Variants in PCED1B observed in about 807,000 individuals in gnomAD.
PCED1B encodes the protein PC-esterase domain containing 1B.
For missense variants in PCED1B, 573 were observed against 573.9 expected, an observed-to-expected ratio of 1.00 and a Z score of 0.02; for synonymous variants, 251 against 246.1, an observed-to-expected ratio of 1.02 and a Z score of -0.19.
At chr12:47,234,001 G>C (rs1943892845) in intron 3 of PCED1B, among the ~76,000 whole-genome samples, 1 of 151,392 alleles carries the variant, frequency 6.6e-6, no homozygotes, top group East Asian at 1.9e-4. Context: ...GTTTTTGTTT[G>C]TTTTCTGAGA....
At chr12:47,150,761 G>A (rs1031561791) in intron 2 of PCED1B, among the ~76,000 whole-genome samples, 8 of 151,938 alleles carry the variant, frequency 5.3e-5, no homozygotes, top group Non-Finnish European at 1.2e-4. Flanking sequence ...GGAGCAGCAA[G>A]GAGGCCAGTG....
chr12:47,203,214 C>T (rs1942818909), intron 2 of PCED1B, among the ~76,000 whole-genome samples: 1 of 152,164 alleles, frequency 6.6e-6, no homozygotes, highest in African/African-American at 2.4e-5. Context: ...AGATGATCCA[C>T]CTGCCTCGGC....
At chr12:47,219,451 A>G (rs1050598861) in intron 3 of PCED1B, among the ~76,000 whole-genome samples, 1 of 152,182 alleles carries the variant, frequency 6.6e-6, no homozygotes, top group African/African-American at 2.4e-5. Context: ...AATTGTCACA[A>G]TCCAACCTGT....
chr12:47,193,151 C>T (rs1942498679), intron 2 of PCED1B, among the ~76,000 whole-genome samples: 1 of 152,180 alleles, frequency 6.6e-6, no homozygotes, highest in African/African-American at 2.4e-5. Flanking sequence ...TCATCACTTA[C>T]TGTAGGGCTT....
At chr12:47,165,500 A>G (rs1005575185) in intron 2 of PCED1B, among the ~76,000 whole-genome samples, 3 of 152,258 alleles carry the variant, frequency 2.0e-5, no homozygotes, top group Non-Finnish European at 4.4e-5. Flanking sequence ...AACTCCAGAG[A>G]GAACATATAT....
intron 1 of PCED1B, among the ~76,000 whole-genome samples, chr12:47,100,458 A>C (rs1938654665): frequency 6.6e-6 from 1 of 152,346 alleles, no homozygotes; most frequent in Middle Eastern, 3.4e-3. Flanking sequence ...AAAAGATATT[A>C]GGAATTCTTG....
At chr12:47,156,391 G>A (rs1399552800) in intron 2 of PCED1B, among the ~76,000 whole-genome samples, 1 of 152,182 alleles carries the variant, frequency 6.6e-6, no homozygotes, top group Admixed American at 6.5e-5. Context: ...AAAGCTGATA[G>A]AAAGATTTTC....
At chr12:47,212,525 C>G (rs886566982) in intron 2 of PCED1B, among the ~76,000 whole-genome samples, 7 of 152,130 alleles carry the variant, frequency 4.6e-5, no homozygotes, top group African/African-American at 1.7e-4. Flanking sequence ...GTGATTCAGA[C>G]AGTTGCTCAA....
chr12:47,170,783 T>A (rs1941704534), intron 2 of PCED1B, among the ~76,000 whole-genome samples: 1 of 152,240 alleles, frequency 6.6e-6, no homozygotes, highest in African/African-American at 2.4e-5. Context: ...ATGTTAAGTA[T>A]AACAACTGTT....
chr12:47,219,179 C>T (rs1008605413), intron 3 of PCED1B, among the ~76,000 whole-genome samples: 1 of 152,062 alleles, frequency 6.6e-6, no homozygotes, highest in Non-Finnish European at 1.5e-5. Context: ...TCCATAGAAA[C>T]ACTATTACAC....
intron 2 of PCED1B, among the ~76,000 whole-genome samples, chr12:47,205,448 T>C (rs747593474): frequency 1.4e-4 from 22 of 152,184 alleles, no homozygotes; most frequent in Non-Finnish European, 3.1e-4. Context: ...GTGGTAGTCT[T>C]GCAAAGACAG....
At chr12:47,117,336 A>G (rs1939468133) in intron 2 of PCED1B, among the ~76,000 whole-genome samples, 1 of 152,016 alleles carries the variant, frequency 6.6e-6, no homozygotes, top group Admixed American at 6.6e-5. Flanking sequence ...TCCTAATGCT[A>G]TCCCTCCCCC....
At chr12:47,142,016 G>A (rs1940611643) in intron 2 of PCED1B, among the ~76,000 whole-genome samples, 1 of 152,010 alleles carries the variant, frequency 6.6e-6, no homozygotes. Flanking sequence ...GAACCAGTGG[G>A]AACCCTTGCA....
chr12:47,142,309 A>G (rs1940626280), intron 2 of PCED1B, among the ~76,000 whole-genome samples: 1 of 152,214 alleles, frequency 6.6e-6, no homozygotes, highest in Admixed American at 6.5e-5. Context: ...CCATCAGCCC[A>G]TGGACCTAAC....
intron 2 of PCED1B, chr12:47,135,461 C>T (rs1018344045): frequency 5.3e-6 from 2 of 377,600 alleles, no homozygotes; most frequent in South Asian, 2.3e-5. Flanking sequence ...GGGCAGAGCT[C>T]CTGGCCCGGA....
intron 2 of PCED1B, among the ~76,000 whole-genome samples, chr12:47,199,486 G>A (rs766185655): frequency 2.0e-5 from 3 of 152,126 alleles, no homozygotes; most frequent in Admixed American, 6.5e-5. Context: ...ATCTGGCATC[G>A]AGTGTTACTA....
chr12:47,199,619 G>T (rs968084416), intron 2 of PCED1B, among the ~76,000 whole-genome samples: 1 of 152,098 alleles, frequency 6.6e-6, no homozygotes, highest in Non-Finnish European at 1.5e-5. Flanking sequence ...AATAGAGAAA[G>T]ACTAATCTTT....
At chr12:47,141,700 T>C (rs1385726591) in intron 2 of PCED1B, among the ~76,000 whole-genome samples, 1 of 152,198 alleles carries the variant, frequency 6.6e-6, no homozygotes, top group East Asian at 1.9e-4. Context: ...AAGAGCCCTG[T>C]AACTTGACTC....
chr12:47,181,768 GA>G (rs35706894), intron 2 of PCED1B, among the ~76,000 whole-genome samples: 62 of 142,372 alleles, frequency 4.4e-4, no homozygotes, highest in South Asian at 3.1e-3. Context: ...CTCCTCTACT[GA>G]AAAAAAAAAA....
Sources: gnomAD v4.1 joint callset for allele counts (sites outside exome capture counted in the v4.1 genomes callset) on GRCh38, gnomAD v4.1.1 for gene constraint, MANE v1.5 for transcripts, NCBI Gene and HGNC (gene_info 2026-07-23, HGNC 2026-07-21) for gene names.